Variants in CTIF observed in about 807,000 individuals in gnomAD.
CTIF encodes the protein CBP80/20-dependent translation initiation factor.
In CTIF, 21 loss-of-function variants were observed where a neutral mutation model predicts 66.0. The observed-to-expected ratio is 0.32, with a 90% CI of 0.23 to 0.46. CTIF has a LOEUF of 0.46. Among genes scored for constraint, CTIF ranks in the 20% least tolerant of loss-of-function variants. The pLI is 1.00. For missense variants in CTIF, 739 were observed against 812.7 expected, an observed-to-expected ratio of 0.91 and a Z score of 1.10; for synonymous variants, 345 against 326.4, an observed-to-expected ratio of 1.06 and a Z score of -0.62.
chr18:48,683,900 C>T (rs998648525), intron 6 of CTIF, among the ~76,000 whole-genome samples: 1 of 152,336 alleles, frequency 6.6e-6, no homozygotes, highest in African/African-American at 2.4e-5. Context: ...CTCCCAAGCT[C>T]TCATGGGGGC....
chr18:48,729,974 CCTCAGGAGGCTTCACCTCCA>C (rs2092422948), intron 7 of CTIF, among the ~76,000 whole-genome samples: 1 of 152,240 alleles, frequency 6.6e-6, no homozygotes, highest in African/African-American at 2.4e-5. Context: ...GGGAGGACTG[CCTCAGGAGGCTTCACCTCCA>C]GGTGGAGTCT....
At chr18:48,792,281 C>T (rs1340413537) in intron 9 of CTIF, among the ~76,000 whole-genome samples, 2 of 151,228 alleles carry the variant, frequency 1.3e-5, no homozygotes, top group African/African-American at 2.4e-5. Flanking sequence ...CATGGGAGAA[C>T]TGCAAGAAGT....
At chr18:48,721,618 AC>A (rs1422914286) in intron 7 of CTIF, among the ~76,000 whole-genome samples, 16 of 152,114 alleles carry the variant, frequency 1.1e-4, no homozygotes, top group Non-Finnish European at 2.9e-5. Context: ...CCCTGGACAA[AC>A]CATTCTTCTT....
intron 9 of CTIF, among the ~76,000 whole-genome samples, chr18:48,794,330 T>C (rs1201340246): frequency 6.6e-6 from 1 of 152,070 alleles, no homozygotes; most frequent in Non-Finnish European, 1.5e-5. Context: ...ACAGAATCAG[T>C]GAGGGTTCGG....
chr18:48,654,107 A>G (rs1184777610), intron 3 of CTIF, among the ~76,000 whole-genome samples: 1 of 152,236 alleles, frequency 6.6e-6, no homozygotes, highest in Non-Finnish European at 1.5e-5. Flanking sequence ...GATGGCAACA[A>G]AAGCTAAAAT....
intron 3 of CTIF, chr18:48,662,104 G>C (rs956543766): frequency 6.6e-6 from 1 of 152,320 alleles, no homozygotes; most frequent in African/African-American, 2.4e-5. Context: ...GCAGAGCGAG[G>C]TGACTGCAGT....
chr18:48,577,042 G>A (rs894560194), intron 1 of CTIF, among the ~76,000 whole-genome samples: 1 of 152,244 alleles, frequency 6.6e-6, no homozygotes, highest in Non-Finnish European at 1.5e-5. Flanking sequence ...GTGTCAGGGT[G>A]TGATACTGAC....
At chr18:48,639,397 G>A (rs1037871502) in intron 3 of CTIF, among the ~76,000 whole-genome samples, 3 of 152,198 alleles carry the variant, frequency 2.0e-5, no homozygotes, top group African/African-American at 7.2e-5. Context: ...AGACACAGGT[G>A]TAAAAAAATG....
chr18:48,672,620 G>T (rs1209177470), intron 6 of CTIF, among the ~76,000 whole-genome samples: 1 of 152,100 alleles, frequency 6.6e-6, no homozygotes, highest in Non-Finnish European at 1.5e-5. Flanking sequence ...CAAAAATCAG[G>T]GCTGGCCTCC....
At chr18:48,562,403 A>C (rs28619518) in intron 1 of CTIF, among the ~76,000 whole-genome samples, 6,183 of 152,272 alleles carry the variant, frequency 0.041, 425 homozygotes, top group African/African-American at 0.14. Context: ...CTTCTTATCC[A>C]CTGGGCCATG....
At position 48,663,671 on chromosome 18, in the gene CTIF, A is replaced by G. The variant is rs2091385089; in HGVS notation, c.253-81A>G. ...ACTTGGGGGCTCACTCCAGCCCCCC[A>G]GCCCCTCAGGCCCTGGCCCCGTGTT... On this transcript the variant is annotated intron_variant, in intron 3 of 11. Transcript: ENST00000256413. 6 of 1,314,232 alleles carry G rather than the reference A, an allele frequency of 4.6e-6. No homozygotes were observed. The South Asian group carries it at 5.9e-5, about 13-fold the overall frequency. The allele number at this position is 1,314,232 out of a possible 1,614,324, so 81.4% of individuals were successfully genotyped here. A position where few individuals can be genotyped will look rare whatever the true frequency, so the allele number is the denominator to read the frequency against.
intron 1 of CTIF, among the ~76,000 whole-genome samples, chr18:48,553,850 A>T (rs1444538244): frequency 4.7e-5 from 7 of 150,054 alleles, no homozygotes; most frequent in Non-Finnish European, 8.9e-5. Flanking sequence ...TTTAGTAGAG[A>T]CAGGGTTTCC....
chr18:48,834,343 A>G (rs1261511142), intron 10 of CTIF, among the ~76,000 whole-genome samples: 1 of 152,244 alleles, frequency 6.6e-6, no homozygotes, highest in Non-Finnish European at 1.5e-5. Flanking sequence ...TATAATTTGT[A>G]TATGTCACAA....
chr18:48,783,490 T>C (rs1481059744), intron 9 of CTIF, among the ~76,000 whole-genome samples: 1 of 152,144 alleles, frequency 6.6e-6, no homozygotes, highest in African/African-American at 2.4e-5. Flanking sequence ...AGGACTCTGG[T>C]TCCAGAACAG....
intron 1 of CTIF, among the ~76,000 whole-genome samples, chr18:48,611,258 C>G (rs2090303061): frequency 6.6e-6 from 1 of 152,228 alleles, no homozygotes; most frequent in Non-Finnish European, 1.5e-5. Flanking sequence ...GAGCTCCATG[C>G]TGGGTGTTGC....
chr18:48,546,289 C>T (rs1195614351), intron 1 of CTIF, among the ~76,000 whole-genome samples: 2 of 152,124 alleles, frequency 1.3e-5, no homozygotes, highest in African/African-American at 2.4e-5. Context: ...TCAGAACCGA[C>T]AATAGTGCCT....
At position 48,761,680 on chromosome 18, in the gene CTIF, C is replaced by T; in HGVS notation, c.1362C>T (p.Asn454=). The T allele has an allele frequency of 6.2e-7, 1 of 1,607,766 alleles. No individual in the cohort carries two copies. Among genetic ancestry groups the T allele is most frequent in the Non-Finnish European group, 8.5e-7 (1 of 1,174,872 alleles). ...CCAAGTTCCGGAGCCTGCTCCTCAA[C>T]ATGCTGCAGGTAACTGGACGCCGGC... ...EGTKFRSLLL[N]MLQKDFTVRE... The change falls in exon 9 of 12, where the codon AAC becomes AAT. Residue 454 remains asparagine, a synonymous_variant. Transcript: ENST00000256413. The surrounding 1 kb of genome is among the most constrained non-coding windows in gnomAD (Gnocchi z 4.2).
intron 6 of CTIF, among the ~76,000 whole-genome samples, chr18:48,709,300 A>G (rs1216705383): frequency 6.6e-6 from 1 of 152,212 alleles, no homozygotes; most frequent in Non-Finnish European, 1.5e-5. Flanking sequence ...TCTGGGATGG[A>G]TGGATGGGTG....
intron 3 of CTIF, among the ~76,000 whole-genome samples, chr18:48,662,955 T>C (rs2091371768): frequency 6.6e-6 from 1 of 152,198 alleles, no homozygotes; most frequent in African/African-American, 2.4e-5. Flanking sequence ...TGGCGGATGC[T>C]GCTGTATACG....
Sources: allele counts gnomAD v4.1 joint callset (sites outside exome capture counted in the v4.1 genomes callset), GRCh38; gene constraint gnomAD v4.1.1; non-coding constraint Gnocchi (gnomAD v3.1); transcripts MANE v1.5; gene names NCBI Gene and HGNC (gene_info 2026-07-23, HGNC 2026-07-21).